Variants in HTR4 observed in about 807,000 individuals in gnomAD.
HTR4 encodes 5-hydroxytryptamine receptor 4, also known as 5-hydroxytryptamine (serotonin) receptor 4, G protein-coupled.
In HTR4, 16 loss-of-function variants were observed where a neutral mutation model predicts 36.8. That is an observed-to-expected ratio of 0.43 (90% CI 0.29 to 0.66). The LOEUF (loss-of-function observed/expected upper bound fraction) is 0.66. HTR4 is among the 30% of genes least tolerant of loss of function. The probability of loss-of-function intolerance (pLI) is 0.13; values close to 1 mark genes in which losing one functional copy is unlikely to be tolerated. For missense variants in HTR4, 438 were observed against 490.9 expected (o/e 0.89, Z 1.02); for synonymous variants, 189 against 185.1 (o/e 1.02, Z -0.17).
chr5:148,647,285 G>A (rs940941910), intron 1 of HTR4, among the ~76,000 whole-genome samples: 3 of 152,222 alleles, frequency 2.0e-5, no homozygotes, highest in African/African-American at 4.8e-5. Flanking sequence ...AAGAAAGAGT[G>A]CATTCATTTT....
intron 2 of HTR4, among the ~76,000 whole-genome samples, chr5:148,550,781 A>T (rs1759643176): frequency 6.6e-6 from 1 of 152,204 alleles, no homozygotes; most frequent in Non-Finnish European, 1.5e-5. Context: ...AAGTGCTTGG[A>T]CCAAGGCATG....
chr5:148,466,060 GT>G lies in HTR4; in HGVS notation c.1077-14789del, dbSNP rs941627761. ...AAATAAGCTTGCCAATATTCTTAAA[GT>G]GCTTTTAGAGGAGGATAAGGAGGGG... is the stretch of plus-strand genomic sequence containing the variant. On this transcript the variant is annotated intron_variant, in intron 5 of 5. Coordinates refer to the HTR4 transcript ENST00000521530. 8.7e-6 allele frequency: 13 copies of G among 1,498,038 alleles called. No individual in the cohort carries two copies. The African/African-American group carries it at 1.8e-4, about 21-fold the overall frequency. The allele number at this position is 1,498,038 out of a possible 1,614,324, so 92.8% of individuals were successfully genotyped here.
chr5:148,605,847 A>G (rs1752137538), intron 2 of HTR4, among the ~76,000 whole-genome samples: 1 of 152,162 alleles, frequency 6.6e-6, no homozygotes. Flanking sequence ...AATGGCCTGT[A>G]CAACACTTGG....
chr5:148,502,653 C>T (rs563706456), intron 6 of HTR4, among the ~76,000 whole-genome samples: 97 of 152,322 alleles, frequency 6.4e-4, no homozygotes, highest in Non-Finnish European at 1.3e-3. Flanking sequence ...TGGAGAATGA[C>T]TTTGACAAGT....
intron 4 of HTR4, among the ~76,000 whole-genome samples, chr5:148,526,164 C>T (rs759794682): frequency 6.6e-6 from 1 of 152,142 alleles, no homozygotes; most frequent in Non-Finnish European, 1.5e-5. Context: ...TGTTCTAAGC[C>T]ATCCAGTGTG....
intron 2 of HTR4, among the ~76,000 whole-genome samples, chr5:148,607,995 G>A (rs761047330): frequency 1.3e-5 from 2 of 152,144 alleles, no homozygotes; most frequent in Non-Finnish European, 2.9e-5. Flanking sequence ...CGACGGCTAA[G>A]ATGAGGAATG....
Position 148,548,832 on chromosome 5 carries a change from A to G in HTR4, c.189T>C (p.Ala63=), listed in dbSNP as rs1159091737. Residue 63 remains alanine (A), a synonymous_variant, in exon 4 of 7, where the codon GCT becomes GCC. Transcript: ENST00000377888. ...GCACCGAAACCAGCAGATCCGCAAA[A>G]GCAAGAGATACAATGAAATAATTTG... The part of the protein sequence containing the change: ...IKTNYFIVSL[A]FADLLVSVLV... The G allele has an allele frequency of 6.2e-7, 1 of 1,614,160 alleles. No individual in the cohort carries two copies. Among genetic ancestry groups the G allele is most frequent in the Non-Finnish European group, 8.5e-7 (1 of 1,180,014 alleles).
At chr5:148,565,100 A>C in intron 2 of HTR4, among the ~76,000 whole-genome samples, 1 of 141,392 alleles carries the variant, frequency 7.1e-6, no homozygotes, top group Admixed American at 7.1e-5. Flanking sequence ...ACAGAGTGAG[A>C]CTCCATCTAA....
intron 4 of HTR4, among the ~76,000 whole-genome samples, chr5:148,542,539 T>C (rs1353297031): frequency 6.6e-6 from 1 of 152,174 alleles, no homozygotes; most frequent in Admixed American, 6.5e-5. Flanking sequence ...CATCAAATTT[T>C]TGAGCTGTGC....
In HTR4 at chr5:148,481,785, C is replaced by T; in HGVS notation, c.*1418G>A. 7.1e-7 allele frequency: 1 copy of T among 1,399,288 alleles called. No individual in the cohort carries two copies. The highest frequency in any genetic ancestry group is 9.2e-7 in the Non-Finnish European group (1 of 1,084,938). The allele number at this position is 1,399,288 out of a possible 1,614,324, so 86.7% of individuals were successfully genotyped here. A position where few individuals can be genotyped will look rare whatever the true frequency, so the allele number is the denominator to read the frequency against. On this transcript the variant is annotated 3_prime_UTR_variant, in exon 7 of 7. Coordinates refer to ENST00000377888, the MANE Select transcript of HTR4 (RefSeq NM_000870.7). The stretch of plus-strand genomic sequence containing the variant: ...GGGTTTGGCATTTACCTTCCCGGGA[C>T]TTCTGCTATGGGGCATTCGCAAGAG...
intron 6 of HTR4, among the ~76,000 whole-genome samples, chr5:148,496,954 T>C (rs766012365): frequency 3.9e-5 from 6 of 152,184 alleles, no homozygotes; most frequent in Non-Finnish European, 2.9e-5. Flanking sequence ...ACCTAATAAA[T>C]TGAGTTCCAG....
chr5:148,585,658 C>T (rs1285058584), intron 2 of HTR4, among the ~76,000 whole-genome samples: 1 of 152,190 alleles, frequency 6.6e-6, no homozygotes, highest in East Asian at 1.9e-4. Context: ...ATACCTAGGT[C>T]ACACAGCAGT....
intron 4 of HTR4, among the ~76,000 whole-genome samples, chr5:148,526,428 C>T (rs1758279865): frequency 6.6e-6 from 1 of 152,100 alleles, no homozygotes; most frequent in East Asian, 1.9e-4. Context: ...ATGAATTCTG[C>T]CCTATCTTTG....
At chr5:148,553,676 G>T (rs577940069) in intron 2 of HTR4, among the ~76,000 whole-genome samples, 4 of 152,262 alleles carry the variant, frequency 2.6e-5, no homozygotes, top group African/African-American at 9.6e-5. Flanking sequence ...ATACTAATTT[G>T]CACTCATTAG....
chr5:148,571,082 TATC>T (rs918571308), intron 2 of HTR4, among the ~76,000 whole-genome samples: 4 of 152,112 alleles, frequency 2.6e-5, no homozygotes, highest in East Asian at 1.9e-4. Context: ...ATAAGAAAAT[TATC>T]ATTCTACAGG....
intron 2 of HTR4, among the ~76,000 whole-genome samples, chr5:148,574,584 C>G (rs1760813757): frequency 6.6e-6 from 1 of 152,050 alleles, no homozygotes; most frequent in South Asian, 2.1e-4. Context: ...TAATTTGATT[C>G]ACTTTGTGTC....
chr5:148,489,712 A>C (rs972361291), intron 6 of HTR4, among the ~76,000 whole-genome samples: 1 of 152,172 alleles, frequency 6.6e-6, no homozygotes, highest in East Asian at 1.9e-4. Context: ...TGTTTATTGC[A>C]CGAAGAGTTA....
chr5:148,459,313 T>C (rs889927342), intron 5 of HTR4, among the ~76,000 whole-genome samples: 3 of 152,158 alleles, frequency 2.0e-5, no homozygotes, highest in Non-Finnish European at 2.9e-5. Flanking sequence ...TCACTGTAAA[T>C]ATCTGAGAAG....
chr5:148,484,487 A>T, intron 6 of HTR4: 1 of 1,039,252 alleles, frequency 9.6e-7, no homozygotes, highest in East Asian at 2.7e-5. Flanking sequence ...TGTTTCTTGA[A>T]AAATTGGGGC....
Sources: allele counts gnomAD v4.1 joint callset (sites outside exome capture counted in the v4.1 genomes callset), GRCh38; gene constraint gnomAD v4.1.1; transcripts MANE v1.5; gene names NCBI Gene and HGNC (gene_info 2026-07-23, HGNC 2026-07-21).